Variants in TTC8 observed in about 807,000 individuals in gnomAD.
TTC8 encodes the protein tetratricopeptide repeat domain 8, also known as tetratricopeptide repeat protein 8.
A neutral mutation model predicts 72.5 loss-of-function variants in TTC8; 47 were observed. The ratio of observed to expected loss-of-function variants is 0.65; its 90% CI spans 0.51 to 0.83. The LOEUF (loss-of-function observed/expected upper bound fraction) is 0.83. Among genes scored for constraint, TTC8 ranks in the 40% least tolerant of loss-of-function variants. The pLI is 0.00. For synonymous variants in TTC8, 199 were observed against 221.4 expected (o/e 0.90, Z 0.90); for missense variants, 611 against 623.2 (o/e 0.98, Z 0.21).
At chr14:88,835,237 A>T (rs1322932843) in intron 2 of TTC8, among the ~76,000 whole-genome samples, 1 of 152,246 alleles carries the variant, frequency 6.6e-6, no homozygotes, top group Admixed American at 6.5e-5. Context: ...CTGGCCTTGC[A>T]TTCTGTATTA....
intron 1 of TTC8, among the ~76,000 whole-genome samples, chr14:88,828,847 A>G (rs1045686162): frequency 4.6e-5 from 7 of 152,272 alleles, no homozygotes; most frequent in African/African-American, 7.2e-5. Context: ...AAGGGATACT[A>G]TTTTGGTGTA....
intron 1 of TTC8, among the ~76,000 whole-genome samples, chr14:88,825,902 CTGT>C (rs1203089853): frequency 2.0e-5 from 3 of 152,124 alleles, no homozygotes; most frequent in Non-Finnish European, 4.4e-5. Context: ...AAGCTAGGTT[CTGT>C]TGTTAGTTCA....
intron 8 of TTC8, among the ~76,000 whole-genome samples, chr14:88,854,512 G>A (rs1159756604): frequency 6.6e-6 from 1 of 152,124 alleles, no homozygotes; most frequent in Non-Finnish European, 1.5e-5. Context: ...ATAATTACGG[G>A]TTAAGTATTT....
chr14:88,834,596 T>C (rs1457548493), intron 2 of TTC8, among the ~76,000 whole-genome samples: 1 of 152,204 alleles, frequency 6.6e-6, no homozygotes. Context: ...AAACACACAC[T>C]GTAAATAGGT....
intron 7 of TTC8, among the ~76,000 whole-genome samples, chr14:88,845,526 G>A (rs1183813707): frequency 6.6e-6 from 1 of 152,086 alleles, no homozygotes; most frequent in African/African-American, 2.4e-5. Flanking sequence ...AAAAAATGAA[G>A]GTTGGGACAG....
intron 2 of TTC8, among the ~76,000 whole-genome samples, chr14:88,835,787 T>A (rs187715096): frequency 1.2e-4 from 19 of 152,254 alleles, no homozygotes; most frequent in Non-Finnish European, 2.4e-4. Context: ...TTTGTTTTTT[T>A]AAAACAGGCA....
chr14:88,868,479 T>C (rs1202471512), intron 10 of TTC8, among the ~76,000 whole-genome samples: 1 of 152,236 alleles, frequency 6.6e-6, no homozygotes, highest in East Asian at 1.9e-4. Flanking sequence ...GTTTAATTCT[T>C]GTTTATTAAT....
Position 88,844,905 on chromosome 14 carries a change from TA to T in TTC8, c.624+1061del, listed in dbSNP as rs557342259. ...ACTAGCTATACACTAGGAGAACTAA[TA>T]AAAAATATGATACTTTTTCCTGCCT... On this transcript the variant is annotated intron_variant, in intron 7 of 14. Coordinates refer to ENST00000380656, the MANE Select transcript of TTC8 (RefSeq NM_144596.4). Among the ~76,000 whole-genome samples the T allele has an allele frequency of 2.6e-3, 393 of 152,144 alleles. 3 individuals are homozygous for T. The highest frequency in any genetic ancestry group is 9.2e-3 in the African/African-American group (380 of 41,512).
intron 6 of TTC8, among the ~76,000 whole-genome samples, chr14:88,842,067 G>A (rs953511061): frequency 6.6e-6 from 1 of 152,110 alleles, no homozygotes; most frequent in African/African-American, 2.4e-5. Flanking sequence ...AGGAGAGGGA[G>A]AAAGGGAAAG....
At chr14:88,873,843 A>G in intron 13 of TTC8, among the ~76,000 whole-genome samples, 1 of 152,252 alleles carries the variant, frequency 6.6e-6, no homozygotes, top group South Asian at 2.1e-4. Context: ...AGGCTTGAGA[A>G]GGGTGAGTAA....
intron 6 of TTC8, among the ~76,000 whole-genome samples, chr14:88,841,808 A>G (rs2094783062): frequency 1.3e-5 from 2 of 152,192 alleles, no homozygotes; most frequent in Non-Finnish European, 2.9e-5. Context: ...AAGCTTAAGA[A>G]GTCATCTGTA....
At chr14:88,873,822 T>A (rs2094945620) in intron 13 of TTC8, among the ~76,000 whole-genome samples, 1 of 152,218 alleles carries the variant, frequency 6.6e-6, no homozygotes, top group Admixed American at 6.5e-5. Context: ...ACTTTGGAGA[T>A]AAAGAAACGG....
chr14:88,861,354 A>G (rs1448368804), intron 10 of TTC8, 22 bp downstream of exon 10: 1 of 1,501,336 alleles, frequency 6.7e-7, no homozygotes, highest in Non-Finnish European at 9.2e-7. Flanking sequence ...TATTATTATT[A>G]TTATTTATTG....
rs2094885323 is a variant in TTC8 at position 88,861,401 on chromosome 14, G to C, written c.909+69G>C. The C allele has an allele frequency of 2.5e-6, 3 of 1,184,198 alleles. No homozygotes were observed. In the East Asian group the frequency reaches 7.8e-5, roughly 31 times the overall value. The allele number at this position is 1,184,198 out of a possible 1,614,324, so 73.4% of individuals were successfully genotyped here. ...TTTTACATATTTTTGTGGTACATGT[G>C]ATATTTTAATTCCTGTATACAATGT... On this transcript the variant is annotated intron_variant, in intron 10 of 14. Transcript: ENST00000380656.
At chr14:88,840,082 T>C (rs1474257485) in intron 3 of TTC8, 2 of 165,152 alleles carry the variant, frequency 1.2e-5, no homozygotes, top group Non-Finnish European at 2.7e-5. Flanking sequence ...GGTGATATGC[T>C]GGGCTGTGAG....
chr14:88,875,099 T>C lies in TTC8; in HGVS notation c.1421T>C (p.Ile474Thr), dbSNP rs1211838253. Residue 474 changes from isoleucine to threonine, a missense_variant, in exon 14 of 15, where the codon ATC (isoleucine) becomes ACC (threonine). Coordinates refer to ENST00000380656, the MANE Select transcript of TTC8 (RefSeq NM_144596.4). ...GAACCGCATTTTAATTTTGCAACAA[T>C]CTCTGATAAGGTATTCTCTTTCTTC... ...MYEPHFNFAT[I>T]SDKIGDLQRS... 6.2e-7 allele frequency: 1 copy of C among 1,611,350 alleles called. No homozygotes were observed. The highest frequency in any genetic ancestry group is 1.3e-5 in the African/African-American group (1 of 74,876).
intron 7 of TTC8, among the ~76,000 whole-genome samples, chr14:88,845,206 A>C (rs1186144410): frequency 2.6e-5 from 4 of 152,204 alleles, no homozygotes. Context: ...TAAAAAAGGA[A>C]GTGACAGAAC....
chr14:88,880,513 A>G (rs1224820570), downstream of TTC8: 1 of 151,184 alleles, frequency 6.6e-6, no homozygotes. Context: ...TTAAGTGAAA[A>G]CAACGGGAAC....
At chr14:88,875,161 T>C (rs773655222) in intron 14 of TTC8, 52 bp downstream of exon 14, 1 of 1,490,400 alleles carries the variant, frequency 6.7e-7, no homozygotes, top group Non-Finnish European at 9.3e-7. Context: ...TTTTTTTCTT[T>C]GTTTTAAAAA....
Sources: gnomAD v4.1 joint callset for allele counts (sites outside exome capture counted in the v4.1 genomes callset) on GRCh38, gnomAD v4.1.1 for gene constraint, MANE v1.5 for transcripts, NCBI Gene and HGNC (gene_info 2026-07-23, HGNC 2026-07-21) for gene names.